Variants in L3MBTL4 observed in about 807,000 individuals in gnomAD.
L3MBTL4 encodes the protein lethal(3)malignant brain tumor-like protein 4.
A neutral mutation model predicts 84.5 loss-of-function variants in L3MBTL4; 70 were observed. The ratio of observed to expected loss-of-function variants is 0.83; its 90% CI spans 0.68 to 1.01. L3MBTL4 has a LOEUF of 1.01. Ranked by LOEUF, L3MBTL4 falls within the 50% of genes least tolerant of loss-of-function variation. The probability of loss-of-function intolerance (pLI) is 0.00; values close to 1 mark genes in which losing one functional copy is unlikely to be tolerated. For synonymous variants in L3MBTL4, 274 were observed against 259.8 expected (o/e 1.05, Z -0.52); for missense variants, 715 against 754.8 (o/e 0.95, Z 0.62).
intron 14 of L3MBTL4, among the ~76,000 whole-genome samples, chr18:6,111,001 C>T (rs1287661380): frequency 6.6e-6 from 1 of 151,898 alleles, no homozygotes; most frequent in South Asian, 2.1e-4. Context: ...GGTCCTATCT[C>T]TCCTCTGCCC....
chr18:6,036,109 G>C (rs977685351), intron 16 of L3MBTL4, among the ~76,000 whole-genome samples: 1 of 152,148 alleles, frequency 6.6e-6, no homozygotes, highest in East Asian at 1.9e-4. Context: ...CCTCTTTCTT[G>C]CTGCTTTCAA....
chr18:6,208,602 G>A (rs1440852880), intron 12 of L3MBTL4, among the ~76,000 whole-genome samples: 1 of 151,978 alleles, frequency 6.6e-6, no homozygotes, highest in Non-Finnish European at 1.5e-5. Flanking sequence ...ATCTTTATTT[G>A]TAGAATACTT....
At chr18:6,295,789 A>G (rs1350011493) in intron 4 of L3MBTL4, among the ~76,000 whole-genome samples, 4 of 152,060 alleles carry the variant, frequency 2.6e-5, no homozygotes. Flanking sequence ...AGTAGCTGAT[A>G]TGGTTTGAAT....
At chr18:6,244,829 T>C (rs1386137535) in intron 5 of L3MBTL4, among the ~76,000 whole-genome samples, 2 of 152,214 alleles carry the variant, frequency 1.3e-5, no homozygotes, top group Non-Finnish European at 1.5e-5. Context: ...TGTGTGAGTA[T>C]GCTTGATTCA....
Position 6,156,546 on chromosome 18 carries a change from G to C in L3MBTL4, c.1096+15282C>G, listed in dbSNP as rs371974409. Among the ~76,000 whole-genome samples, 133 of 152,304 alleles carry C rather than the reference G, an allele frequency of 8.7e-4. No individual in the cohort carries two copies. In the South Asian group the frequency reaches 0.013, roughly 15 times the overall value. On this transcript the variant is annotated intron_variant, in intron 13 of 18. Transcript: ENST00000317931. ...CAGTTCCCTTCCCCTGCCATGGAAG[G>C]CATCATTGTCTTCTGAAAGGGTTAA...
chr18:6,313,701 C>T (rs2050946506), intron 1 of L3MBTL4, among the ~76,000 whole-genome samples: 1 of 152,158 alleles, frequency 6.6e-6, no homozygotes, highest in South Asian at 2.1e-4. Context: ...CTGAAATCAT[C>T]TGGCTACTGG....
chr18:5,969,688 T>C (rs1463208525), intron 16 of L3MBTL4, 126 bp from the exon 17 acceptor site: 15 of 864,654 alleles, frequency 1.7e-5, no homozygotes, highest in Non-Finnish European at 2.3e-5. Context: ...AACCCGCGTC[T>C]TCTGATCGTA....
intron 16 of L3MBTL4, among the ~76,000 whole-genome samples, chr18:5,986,244 A>C (rs150445345): frequency 1.3e-5 from 2 of 152,306 alleles, no homozygotes; most frequent in East Asian, 3.9e-4. Context: ...ATACGATGGT[A>C]TTTGAGCCCC....
intron 13 of L3MBTL4, among the ~76,000 whole-genome samples, chr18:6,157,579 G>T (rs752985249): frequency 7.9e-5 from 12 of 152,088 alleles, no homozygotes; most frequent in Non-Finnish European, 1.6e-4. Context: ...TCATTCTGTT[G>T]TATTTATATA....
intron 16 of L3MBTL4, 51 bp from the exon 17 acceptor site, chr18:5,969,613 C>G: frequency 6.5e-7 from 1 of 1,541,078 alleles, no homozygotes; most frequent in East Asian, 2.3e-5. Context: ...AGAGCAAGCA[C>G]TGCTGTGTCA....
intron 16 of L3MBTL4, among the ~76,000 whole-genome samples, chr18:5,984,318 AT>A (rs2053372603): frequency 6.6e-6 from 1 of 152,338 alleles, no homozygotes; most frequent in Admixed American, 6.5e-5. Context: ...CTGAAGTATG[AT>A]AGTATTGCTG....
intron 1 of L3MBTL4, among the ~76,000 whole-genome samples, chr18:6,330,561 A>G (rs2051979631): frequency 6.6e-6 from 1 of 152,214 alleles, no homozygotes; most frequent in African/African-American, 2.4e-5. Context: ...GGTCCGCCTG[A>G]ATAATCCAGA....
intron 17 of L3MBTL4, among the ~76,000 whole-genome samples, chr18:5,967,703 G>A (rs145906071): frequency 3.1e-3 from 476 of 152,312 alleles, no homozygotes; most frequent in Non-Finnish European, 3.7e-3. Flanking sequence ...GGCTCAGACC[G>A]AGGATCCGCA....
At chr18:6,090,252 T>A (rs1305775516) in intron 15 of L3MBTL4, among the ~76,000 whole-genome samples, 2 of 152,126 alleles carry the variant, frequency 1.3e-5, no homozygotes, top group Admixed American at 1.3e-4. Flanking sequence ...AAGATAACTC[T>A]TGCAAACGTC....
chr18:6,196,079 C>T (rs1003806226), intron 12 of L3MBTL4, among the ~76,000 whole-genome samples: 3 of 151,956 alleles, frequency 2.0e-5, no homozygotes, highest in Non-Finnish European at 4.4e-5. Context: ...AGAACATCTA[C>T]ATCACCAACA....
intron 10 of L3MBTL4, among the ~76,000 whole-genome samples, chr18:6,233,164 G>A (rs374402983): frequency 1.7e-4 from 26 of 151,902 alleles, no homozygotes; most frequent in Middle Eastern, 6.8e-3. Context: ...TTGATGGGAC[G>A]TACCTAAAAA....
intron 13 of L3MBTL4, among the ~76,000 whole-genome samples, chr18:6,161,062 T>G (rs2043317807): frequency 6.6e-6 from 1 of 152,214 alleles, no homozygotes; most frequent in Non-Finnish European, 1.5e-5. Flanking sequence ...GATATTTTCA[T>G]ATTTTTAAAG....
At chr18:6,120,442 C>T (rs1326327814) in intron 14 of L3MBTL4, among the ~76,000 whole-genome samples, 2 of 152,122 alleles carry the variant, frequency 1.3e-5, no homozygotes, top group Non-Finnish European at 2.9e-5. Flanking sequence ...TTGTGAGTAA[C>T]GTTAGGAAGG....
At chr18:6,120,196 G>T (rs1022529613) in intron 14 of L3MBTL4, among the ~76,000 whole-genome samples, 1 of 152,232 alleles carries the variant, frequency 6.6e-6, no homozygotes, top group East Asian at 1.9e-4. Context: ...TGCAACACTC[G>T]GTCCTCCCAG....
Sources: allele counts gnomAD v4.1 joint callset (sites outside exome capture counted in the v4.1 genomes callset), GRCh38; gene constraint gnomAD v4.1.1; transcripts MANE v1.5; gene names NCBI Gene and HGNC (gene_info 2026-07-23, HGNC 2026-07-21).